The following EPHA7 variants were observed in gnomAD, a reference collection of about 807,000 sequenced individuals.
The protein encoded by EPHA7 is ephrin type-A receptor 7.
In EPHA7, 25 loss-of-function variants were observed where a neutral mutation model predicts 112.6. The ratio of observed to expected loss-of-function variants is 0.22; its 90% CI spans 0.16 to 0.31. The LOEUF (loss-of-function observed/expected upper bound fraction) is 0.31, where lower values mean the gene tolerates loss of function less well. Ranked by LOEUF, EPHA7 falls within the 10% of genes least tolerant of loss-of-function variation. EPHA7 has a pLI of 1.00. For missense variants in EPHA7, 962 were observed against 1,212.6 expected, an observed-to-expected ratio of 0.79 and a Z score of 3.07; for synonymous variants, 437 against 406.5, an observed-to-expected ratio of 1.07 and a Z score of -0.90.
chr6:93,259,921 A>G (rs1270970416), intron 9 of EPHA7, among the ~76,000 whole-genome samples: 1 of 152,018 alleles, frequency 6.6e-6, no homozygotes, highest in Non-Finnish European at 1.5e-5. Context: ...AGCCTACTAC[A>G]CTGACAGCAA....
At chr6:93,419,117 G>A (rs1377190387) in intron 1 of EPHA7, 128 bp downstream of exon 1, 3 of 657,252 alleles carry the variant, frequency 4.6e-6, no homozygotes, top group Admixed American at 4.1e-5. Context: ...GTGAGGGGGC[G>A]GGGAGCCGGC....
Position 93,356,950 on chromosome 6 carries a change from G to A in EPHA7, c.1091C>T (p.Thr364Ile). 6.2e-7 allele frequency: 1 copy of A among 1,614,120 alleles called. No individual in the cohort carries two copies. Residue 364 changes from threonine (T) to isoleucine (I), a missense_variant, in exon 5 of 17, where the codon ACC (threonine) becomes ATC (isoleucine). Physicochemically the swap from Thr to Ile is moderately conservative, Grantham distance 89. Around this residue, in one of 3 missense-constraint regions of EPHA7, gnomAD observed 746 missense variants for 889.2 expected, o/e 0.84. Coordinates refer to ENST00000369303, the MANE Select transcript of EPHA7 (RefSeq NM_004440.4). ...GCACCGCTTACACAATATTCTGTAG[G>A]TCACATCGTTTCTTCCCCCATTGTC... The part of the protein sequence containing the change: ...PADNGGRNDV[T>I]YRILCKRCSW...
chr6:93,243,328 G>A lies in EPHA7; in HGVS notation c.*98C>T. ...TTCTCTTCACTGTTGGAAGGACCCA[G>A]GACATCACTTGTCTTCTAGCAGCAT... On this transcript the variant is annotated 3_prime_UTR_variant, in exon 17 of 17. Transcript: ENST00000369303. 1.2e-6 allele frequency: 1 copy of A among 854,816 alleles called. No homozygotes were observed. The highest frequency in any genetic ancestry group is 1.9e-6 in the Non-Finnish European group (1 of 533,038). 53.0% of individuals were successfully genotyped at this position (854,816 alleles called of 1,614,324 possible). A position where few individuals can be genotyped will look rare whatever the true frequency, so the allele number is the denominator to read the frequency against.
At position 93,383,637 on chromosome 6, in the gene EPHA7, A is replaced by G. The variant is rs570702132; in HGVS notation, c.833-25226T>C. Among the ~76,000 whole-genome samples, 5 of 152,318 alleles carry G rather than the reference A, an allele frequency of 3.3e-5. No homozygotes were observed. The South Asian group carries it at 1.0e-3, about 32-fold the overall frequency. ...AAAAATAAAATATTCTGGGACTTCT[A>G]AGGAGATATTAGTTTTGATCATAAA... On this transcript the variant is annotated intron_variant, in intron 3 of 16. Coordinates refer to ENST00000369303, the MANE Select transcript of EPHA7 (RefSeq NM_004440.4).
At chr6:93,346,188 C>T (rs1234739746) in intron 5 of EPHA7, among the ~76,000 whole-genome samples, 1 of 151,700 alleles carries the variant, frequency 6.6e-6, no homozygotes, top group Non-Finnish European at 1.5e-5. Context: ...CTACTGTCGT[C>T]ATCATTATTA....
chr6:93,299,895 T>C (rs942287244), intron 5 of EPHA7, among the ~76,000 whole-genome samples: 5 of 152,162 alleles, frequency 3.3e-5, no homozygotes, highest in African/African-American at 1.2e-4. Flanking sequence ...ATACTACATG[T>C]TCTCACTTGT....
intron 5 of EPHA7, among the ~76,000 whole-genome samples, chr6:93,328,723 C>T (rs1318215431): frequency 6.6e-6 from 1 of 151,278 alleles, no homozygotes; most frequent in Non-Finnish European, 1.5e-5. Context: ...AATATATTCT[C>T]ATTAGCGAAT....
chr6:93,303,815 A>C (rs1773114507), intron 5 of EPHA7, among the ~76,000 whole-genome samples: 1 of 152,094 alleles, frequency 6.6e-6, no homozygotes, highest in Non-Finnish European at 1.5e-5. Context: ...TTATTCTGTG[A>C]ATGTCCAAGG....
chr6:93,310,493 CGT>C (rs1235210542), intron 5 of EPHA7, among the ~76,000 whole-genome samples: 2 of 152,112 alleles, frequency 1.3e-5, no homozygotes, highest in Admixed American at 1.3e-4. Context: ...GGTGAAATTG[CGT>C]CTCTATTAAA....
At position 93,358,426 on chromosome 6, in the gene EPHA7, G is replaced by C; in HGVS notation, c.833-15C>G. 1 of 1,581,040 alleles carries C rather than the reference G, an allele frequency of 6.3e-7. No homozygotes were observed. Among genetic ancestry groups the C allele is most frequent in the South Asian group, 1.2e-5 (1 of 85,516 alleles). On this transcript the variant is annotated splice_polypyrimidine_tract_variant and intron_variant, in intron 3 of 16. Transcript: ENST00000369303. ...ACGGCCACAGGCTGGGAATGCAAAA[G>C]AAAGCAAAAATTGAGACATGAGAGC...
chr6:93,278,663 C>T (rs1771582595), intron 5 of EPHA7, among the ~76,000 whole-genome samples: 2 of 151,758 alleles, frequency 1.3e-5, no homozygotes, highest in African/African-American at 4.8e-5. Flanking sequence ...AGATGGATTT[C>T]TTCCCTTCTA....
chr6:93,275,028 A>G (rs754554997), intron 5 of EPHA7, among the ~76,000 whole-genome samples: 2 of 151,958 alleles, frequency 1.3e-5, no homozygotes, highest in Non-Finnish European at 2.9e-5. Context: ...TTATTGTAAC[A>G]ATCTCACTAA....
In EPHA7 at chr6:93,313,065, T is replaced by C. The variant is rs1456083902; in HGVS notation, c.1325-40643A>G. ...ATCACTATGAAAATTATAATAATAATAAAAAAAATGAAATAAATTGTGACA... is the reference window on the plus strand; with the variant it reads ...ATCACTATGAAAATTATAATAATAACAAAAAAAATGAAATAAATTGTGACA... On this transcript the variant is annotated intron_variant, in intron 5 of 16. Transcript: ENST00000369303. 3.3e-5 allele frequency among the ~76,000 whole-genome samples: 5 copies of C among 151,540 alleles called. 1 individual carries two copies. The South Asian group carries it at 1.0e-3, about 31-fold the overall frequency.
chr6:93,390,342 A>C (rs1252501649), intron 3 of EPHA7, among the ~76,000 whole-genome samples: 1 of 151,882 alleles, frequency 6.6e-6, no homozygotes, highest in Non-Finnish European at 1.5e-5. Context: ...AATTGAAAAA[A>C]ATCAGCCATA....
chr6:93,248,915 A>C (rs191406735), intron 14 of EPHA7, among the ~76,000 whole-genome samples: 243 of 152,350 alleles, frequency 1.6e-3, no homozygotes, highest in African/African-American at 5.7e-3. Context: ...GTATTTTTCC[A>C]TATCTGTATC....
chr6:93,403,677 A>AG (rs1778544888), intron 3 of EPHA7, among the ~76,000 whole-genome samples: 2 of 150,624 alleles, frequency 1.3e-5, no homozygotes, highest in Admixed American at 1.3e-4. Context: ...AAAAAAAAAA[A>AG]GAAAAAGGAG....
Position 93,410,266 on chromosome 6 carries a change from G to T in EPHA7, c.832+235C>A. On this transcript the variant is annotated intron_variant, in intron 3 of 16. Transcript: ENST00000369303. The surrounding 1 kb of genome is among the most constrained non-coding windows in gnomAD (Gnocchi z 4.0). ...CTATTGACTTCCATGTTAAGCATAG[G>T]ACACATTAAATTTTAGTAACAAATT... 1 of 514,372 alleles carries T rather than the reference G, an allele frequency of 1.9e-6. No homozygotes were observed. Among genetic ancestry groups the T allele is most frequent in the South Asian group, 2.6e-5 (1 of 38,310 alleles). 31.9% of individuals were successfully genotyped at this position (514,372 alleles called of 1,614,324 possible). A position where few individuals can be genotyped will look rare whatever the true frequency, so the allele number is the denominator to read the frequency against.
intron 3 of EPHA7, among the ~76,000 whole-genome samples, chr6:93,396,285 T>G (rs1258986023): frequency 1.3e-5 from 2 of 151,806 alleles, no homozygotes; most frequent in African/African-American, 2.4e-5. Flanking sequence ...GTAGAAAAAA[T>G]GTACTTTTCT....
chr6:93,272,227 T>C (rs1771258417), intron 6 of EPHA7, 71 bp downstream of exon 6: 1 of 1,551,736 alleles, frequency 6.4e-7, no homozygotes, highest in Non-Finnish European at 8.8e-7. Context: ...TGACCAACTT[T>C]AGTCTACAAT....
Sources: allele counts gnomAD v4.1 joint callset (sites outside exome capture counted in the v4.1 genomes callset), GRCh38; gene constraint gnomAD v4.1.1; regional missense constraint gnomAD v4.1.1; non-coding constraint Gnocchi (gnomAD v3.1); transcripts MANE v1.5; gene names NCBI Gene and HGNC (gene_info 2026-07-23, HGNC 2026-07-21).